ECE2: variants seen among roughly 807,000 people sequenced by gnomAD.
ECE2 encodes the protein endothelin converting enzyme 2.
Under a neutral mutation model 100.6 loss-of-function variants are expected in ECE2, and 81 were observed. The ratio of observed to expected loss-of-function variants is 0.81; its 90% CI spans 0.67 to 0.97. The LOEUF (loss-of-function observed/expected upper bound fraction) is 0.97. Ranked by LOEUF, ECE2 falls within the 50% of genes least tolerant of loss-of-function variation. ECE2 has a pLI of 0.00. For synonymous variants in ECE2, 391 were observed against 391.5 expected, an observed-to-expected ratio of 1.00 and a Z score of 0.02; for missense variants, 911 against 988.1, an observed-to-expected ratio of 0.92 and a Z score of 1.05.
At chr3:184,287,275 CAAAA>C (rs1371919169) in intron 10 of ECE2, among the ~76,000 whole-genome samples, 1 of 99,658 alleles carries the variant, frequency 1.0e-5, no homozygotes, top group Non-Finnish European at 2.1e-5. Context: ...GACTCCATCT[CAAAA>C]AAAAAAAAAA....
chr3:184,291,522 G>A lies in ECE2; in HGVS notation c.2121+83G>A, dbSNP rs564156751. On this transcript the variant is annotated intron_variant, in intron 18 of 18. Transcript: ENST00000404464. This position sits in a 1 kb window ranked among gnomAD's most constrained non-coding sequence, Gnocchi z 4.1. ...TGTCATTAGGAGAACTCTGGGGCACGTGTCAAACGGGCTGGTGAATGGGGC... is the reference window on the plus strand; with the variant it reads ...TGTCATTAGGAGAACTCTGGGGCACATGTCAAACGGGCTGGTGAATGGGGC... 44 of 1,280,880 alleles carry A rather than the reference G, an allele frequency of 3.4e-5. No homozygotes were observed. Among genetic ancestry groups the A allele is most frequent in the Middle Eastern group, 2.0e-4 (1 of 5,100 alleles). 79.3% of individuals were successfully genotyped at this position (1,280,880 alleles called of 1,614,324 possible).
rs1721387530 is a variant in ECE2, at chr3:184,292,791, G to T, written c.*553G>T. 6.4e-6 allele frequency: 1 copy of T among 156,054 alleles called. No homozygotes were observed. Among genetic ancestry groups the T allele is most frequent in the South Asian group, 2.0e-4 (1 of 5,098 alleles). The allele number at this position is 156,054 out of a possible 1,614,324, so 9.7% of individuals were successfully genotyped here. A position where few individuals can be genotyped will look rare whatever the true frequency, so the allele number is the denominator to read the frequency against. ...AGTGGAAGCCCAAGGGCCTCTGAAA[G>T]CCTCCTGCTGCCCACTGTTTCCCTG... On this transcript the variant is annotated 3_prime_UTR_variant, in exon 19 of 19. Transcript: ENST00000404464.
rs767334389 is a variant in ECE2 at position 184,291,641 on chromosome 3, G to A, written c.2121+202G>A. 3.5e-5 allele frequency: 19 copies of A among 538,582 alleles called. No individual in the cohort carries two copies. Among genetic ancestry groups the A allele is most frequent in the Middle Eastern group, 4.1e-4 (1 of 2,448 alleles). The allele number at this position is 538,582 out of a possible 1,614,324, so 33.4% of individuals were successfully genotyped here. ...AAAGGCAGCCTGAAGAGGCCTGAGC[G>A]GGAGAATGCCTTGGTAGGATTTCGC... On this transcript the variant is annotated intron_variant, in intron 18 of 18. Coordinates refer to ENST00000404464, the MANE Select transcript of ECE2 (RefSeq NM_001100121.2). The surrounding 1 kb of genome is among the most constrained non-coding windows in gnomAD (Gnocchi z 4.1).
rs780697073 is a variant in ECE2 at position 184,289,154 on chromosome 3, C to CA, written c.1375-268dup. Among the ~76,000 whole-genome samples, 686 of 116,124 alleles carry CA rather than the reference C, an allele frequency of 5.9e-3. No homozygotes were observed. The highest frequency in any genetic ancestry group is 8.9e-3 in the African/African-American group (273 of 30,792). The allele number at this position is 116,124 out of a possible 152,430, so 76.2% of individuals were successfully genotyped here. On this transcript the variant is annotated intron_variant, in intron 11 of 18. Coordinates refer to ENST00000404464, the MANE Select transcript of ECE2 (RefSeq NM_001100121.2). This position sits in a 1 kb window ranked among gnomAD's most constrained non-coding sequence, Gnocchi z 4.1. ...TAGGTAACACAGCCAGACTCTGTCT[C>CA]AAAAAAAAAAAAAAATCATTGCACT...
chr3:184,276,967 C>G lies in ECE2; in HGVS notation c.202C>G (p.Leu68Val), dbSNP rs112203935. 6.2e-6 allele frequency: 10 copies of G among 1,614,184 alleles called. No homozygotes were observed. In the African/African-American group the frequency reaches 6.7e-5, roughly 11 times the overall value. ...GGAGCTGGTCTTAGCAGGTGCCTCT[C>G]TACTGCTGGCTGCACTGCTTCTGGG... is the stretch of plus-strand genomic sequence containing the variant. ...QLELVLAGASLLLAALLLGCL... is the reference protein window; with the variant it reads ...QLELVLAGASVLLAALLLGCL... Residue 68 changes from leucine (L) to valine (V), a missense_variant, in exon 3 of 19, where the codon CTA becomes GTA. Coordinates refer to ENST00000404464, the MANE Select transcript of ECE2 (RefSeq NM_001100121.2).
rs773763896 is a variant in ECE2 at position 184,276,879 on chromosome 3, C to G, written c.127-13C>G. 18 of 1,613,836 alleles carry G rather than the reference C, an allele frequency of 1.1e-5. 1 individual carries two copies. The East Asian group carries it at 4.0e-4, about 36-fold the overall frequency. ...TGCATCTCAGTCACTCTCTGTCCCC[C>G]TGTGTTCCCCAGGTGGGATTCCAGA... is the stretch of plus-strand genomic sequence containing the variant. On this transcript the variant is annotated splice_polypyrimidine_tract_variant and intron_variant, in intron 2 of 18. Transcript: ENST00000404464.
At chr3:184,290,448 G>A (rs1287157417) in intron 14 of ECE2, 90 bp downstream of exon 14, 6 of 1,559,068 alleles carry the variant, frequency 3.8e-6, no homozygotes, top group Non-Finnish European at 5.3e-6. Context: ...GGCAAGACTG[G>A]TCCCAGACCG....
intron 9 of ECE2, among the ~76,000 whole-genome samples, 183 bp from the exon 10 acceptor site, chr3:184,285,295 C>G (rs1417127728): frequency 6.6e-6 from 1 of 152,118 alleles, no homozygotes; most frequent in Non-Finnish European, 1.5e-5. Flanking sequence ...CTCTGTCCCC[C>G]CACTGCTCTC....
In ECE2 at chr3:184,291,527, A is replaced by C; in HGVS notation, c.2121+88A>C. On this transcript the variant is annotated intron_variant, in intron 18 of 18. Transcript: ENST00000404464. The surrounding 1 kb of genome is among the most constrained non-coding windows in gnomAD (Gnocchi z 4.1). ...TTAGGAGAACTCTGGGGCACGTGTC[A>C]AACGGGCTGGTGAATGGGGCTGAGG... The C allele has an allele frequency of 7.9e-7, 1 of 1,264,434 alleles. No homozygotes were observed. The highest frequency in any genetic ancestry group is 1.1e-6 in the Non-Finnish European group (1 of 933,258). 78.3% of individuals were successfully genotyped at this position (1,264,434 alleles called of 1,614,324 possible). A position where few individuals can be genotyped will look rare whatever the true frequency, so the allele number is the denominator to read the frequency against.
intron 7 of ECE2, among the ~76,000 whole-genome samples, chr3:184,282,448 G>A (rs940178627): frequency 6.6e-6 from 1 of 152,218 alleles, no homozygotes; most frequent in Non-Finnish European, 1.5e-5. Context: ...TCTGGGAGGA[G>A]GGTTAAGGGA....
Position 184,276,067 on chromosome 3 carries a change from GGCGGGGCCGGGCAGGGGACCGGGGCC to G in ECE2, c.-82_-57del, listed in dbSNP as rs986484825. On this transcript the variant is annotated 5_prime_UTR_variant, in exon 1 of 19. An upstream open reading frame in the 5' UTR loses its in-frame stop. Transcript: ENST00000404464. ...CGCGGCGGCCGTGATGGCTGGTGAC[GGCGGGGCCGGGCAGGGGACCGGGGCC>G]GCGGCCCGGGAGCGGGCCAGCTGCC... The G allele has an allele frequency of 1.1e-5, 13 of 1,207,204 alleles. No homozygotes were observed. The African/African-American group carries it at 1.7e-4, about 16-fold the overall frequency. The allele number at this position is 1,207,204 out of a possible 1,614,324, so 74.8% of individuals were successfully genotyped here. A position where few individuals can be genotyped will look rare whatever the true frequency, so the allele number is the denominator to read the frequency against.
At position 184,283,810 on chromosome 3, in the gene ECE2, T is replaced by C. The variant is rs1442645985; in HGVS notation, c.842T>C (p.Met281Thr). 2.5e-6 allele frequency: 4 copies of C among 1,613,646 alleles called. No homozygotes were observed. The South Asian group carries it at 3.3e-5, about 13-fold the overall frequency. The part of the protein sequence containing the change: ...EKVLTAYLDY[M>T]EELGMLLGGR... Reference sequence around the variant, plus strand: ...GTGCTCACTGCCTATCTGGATTACATGGAGGAACTGGGGATGCTGCTGGGT... The same window carrying C: ...GTGCTCACTGCCTATCTGGATTACACGGAGGAACTGGGGATGCTGCTGGGT... Residue 281 changes from methionine to threonine, a missense_variant, in exon 8 of 19, where the codon ATG becomes ACG. Physicochemically the swap from Met to Thr is moderately conservative, Grantham distance 81. Transcript: ENST00000404464.
In ECE2 at chr3:184,289,598, G is replaced by A. The variant is rs1170326048; in HGVS notation, c.1474-43G>A. ...GGGGTTCAAGGATACAGTTTTGCTA[G>A]GAACCTGGGGAAGGAAACAAACCCT... On this transcript the variant is annotated intron_variant, in intron 12 of 18. Coordinates refer to ENST00000404464, the MANE Select transcript of ECE2 (RefSeq NM_001100121.2). The surrounding 1 kb of genome is among the most constrained non-coding windows in gnomAD (Gnocchi z 4.1). The A allele has an allele frequency of 1.2e-6, 2 of 1,613,422 alleles. No individual in the cohort carries two copies. Among genetic ancestry groups the A allele is most frequent in the East Asian group, 4.5e-5 (2 of 44,880 alleles).
At chr3:184,281,927 T>C (rs1425062480) in intron 7 of ECE2, among the ~76,000 whole-genome samples, 1 of 152,120 alleles carries the variant, frequency 6.6e-6, no homozygotes, top group Non-Finnish European at 1.5e-5. Flanking sequence ...GGCGAAACAC[T>C]GTCTCTACTA....
At chr3:184,285,334 GC>G in intron 9 of ECE2, 143 bp from the exon 10 acceptor site, 1 of 883,272 alleles carries the variant, frequency 1.1e-6, no homozygotes, top group Non-Finnish European at 1.7e-6. Context: ...CAGGTGTGTG[GC>G]CCCGGGACCA....
rs55982886 is a variant in ECE2, at chr3:184,292,377, T to C, written c.*139T>C. The C allele has an allele frequency of 3.8e-4, 357 of 943,510 alleles. 2 individuals are homozygous for C. The highest frequency in any genetic ancestry group is 4.7e-4 in the Non-Finnish European group (295 of 631,924). The allele number at this position is 943,510 out of a possible 1,614,324, so 58.4% of individuals were successfully genotyped here. A position where few individuals can be genotyped will look rare whatever the true frequency, so the allele number is the denominator to read the frequency against. On this transcript the variant is annotated 3_prime_UTR_variant, in exon 19 of 19. Transcript: ENST00000404464. ...CCCTCCCCCCCACAGGTGACATGAG[T>C]ACAGACCCTCCTCAATCACCACATT...
intron 10 of ECE2, among the ~76,000 whole-genome samples, chr3:184,287,414 G>A (rs569129480): frequency 2.0e-5 from 3 of 152,026 alleles, no homozygotes; most frequent in South Asian, 2.1e-4. Flanking sequence ...GTTGTGGGCC[G>A]GGCACGGTGG....
At position 184,276,232 on chromosome 3, in the gene ECE2, G is replaced by A. The variant is rs778346778; in HGVS notation, c.39+40G>A. ...CGGGCTCCACGGGAGGGGACTGGGT[G>A]GAGGGGGACGAGGCAGAGGGGTCGG... is the stretch of plus-strand genomic sequence containing the variant. On this transcript the variant is annotated intron_variant, in intron 1 of 18. Coordinates refer to ENST00000404464, the MANE Select transcript of ECE2 (RefSeq NM_001100121.2). The A allele has an allele frequency of 1.0e-5, 15 of 1,444,242 alleles. 1 individual carries two copies. In the South Asian group the frequency reaches 2.0e-4, roughly 19 times the overall value. The allele number at this position is 1,444,242 out of a possible 1,614,324, so 89.5% of individuals were successfully genotyped here.
rs529647832 is a variant in ECE2 at position 184,292,147 on chromosome 3, G to A, written c.2207G>A (p.Gly736Asp). ...AGCCCTGCCCGCTTCCGCGTGCTGGGCACTCTCTCCAACTCCCGTGACTTC... is the reference window on the plus strand; with the variant it reads ...AGCCCTGCCCGCTTCCGCGTGCTGGACACTCTCTCCAACTCCCGTGACTTC... ...PHSPARFRVL[G>D]TLSNSRDFLR... Residue 736 changes from glycine to aspartate, a missense_variant, in exon 19 of 19, where the codon GGC becomes GAC. Gly to Asp is a moderately conservative substitution (Grantham distance 94, BLOSUM62 -1). Coordinates refer to ENST00000404464, the MANE Select transcript of ECE2 (RefSeq NM_001100121.2). 3.6e-5 allele frequency: 58 copies of A among 1,614,082 alleles called. No homozygotes were observed. In the Admixed American group the frequency reaches 5.2e-4, roughly 14 times the overall value.
Sources: gnomAD v4.1 joint callset for allele counts (sites outside exome capture counted in the v4.1 genomes callset) on GRCh38, gnomAD v4.1.1 for gene constraint, Gnocchi (gnomAD v3.1) non-coding constraint, MANE v1.5 for transcripts, NCBI Gene and HGNC (gene_info 2026-07-23, HGNC 2026-07-21) for gene names.